The following PALS2 variants were observed in gnomAD, a reference collection of about 807,000 sequenced individuals.
PALS2 encodes the protein protein PALS2.
PALS2 carries 27 observed loss-of-function variants against 61.6 expected under a neutral mutation model. The observed-to-expected ratio is 0.44, with a 90% CI of 0.32 to 0.60. The LOEUF is 0.60. Among genes scored for constraint, PALS2 ranks in the 20% least tolerant of loss-of-function variants. The pLI, the probability that PALS2 is intolerant of heterozygous loss-of-function variation, is 0.05. For missense variants in PALS2, 554 were observed against 639.4 expected (o/e 0.87, Z 1.44); for synonymous variants, 236 against 218.6 (o/e 1.08, Z -0.70).
chr7:24,677,307 T>C (rs1787666106), intron 9 of PALS2, among the ~76,000 whole-genome samples: 2 of 152,128 alleles, frequency 1.3e-5, no homozygotes, highest in African/African-American at 4.8e-5. Context: ...TACAATCACG[T>C]CATCTGCAAA....
chr7:24,607,640 T>C (rs901378969), intron 1 of PALS2, among the ~76,000 whole-genome samples: 3 of 150,636 alleles, frequency 2.0e-5, no homozygotes, highest in Admixed American at 2.0e-4. Context: ...TACATATATG[T>C]ATGTATATGT....
rs1422341112 is a variant in PALS2 at position 24,584,028 on chromosome 7, A to G, written c.-3+10435A>G. 8.9e-4 allele frequency among the ~76,000 whole-genome samples: 133 copies of G among 150,070 alleles called. 7 individuals carry two copies. Among genetic ancestry groups the G allele is most frequent in the Admixed American group, 4.0e-4 (6 of 15,068 alleles). On this transcript the variant is annotated intron_variant, in intron 1 of 11. Coordinates refer to ENST00000222644, the MANE Select transcript of PALS2 (RefSeq NM_001303037.2). The stretch of plus-strand genomic sequence containing the variant: ...ATGGCTGCATAGTATTCCATGGTGT[A>G]TATGTGCCACATTTTCTTAATCCAG...
intron 1 of PALS2, among the ~76,000 whole-genome samples, chr7:24,600,979 G>GA (rs1783701048): frequency 6.6e-6 from 1 of 152,036 alleles, no homozygotes; most frequent in South Asian, 2.1e-4. Context: ...ACATATGGAT[G>GA]AAAGACTAGA....
intron 11 of PALS2, among the ~76,000 whole-genome samples, chr7:24,681,457 T>A (rs1787923640): frequency 6.6e-6 from 1 of 151,874 alleles, no homozygotes; most frequent in East Asian, 1.9e-4. Flanking sequence ...ATACCATTAA[T>A]ACAACAAAAA....
chr7:24,577,635 G>A (rs1782688027), intron 1 of PALS2, among the ~76,000 whole-genome samples: 1 of 151,736 alleles, frequency 6.6e-6, no homozygotes, highest in Non-Finnish European at 1.5e-5. Context: ...CAATGCCATG[G>A]CTTGCTCCTA....
At chr7:24,581,762 A>G (rs79265434) in intron 1 of PALS2, among the ~76,000 whole-genome samples, 12,804 of 152,266 alleles carry the variant, frequency 0.084, 689 homozygotes, top group Admixed American at 0.12. Flanking sequence ...TCTAAAGGCA[A>G]CTATTGCCAA....
chr7:24,591,110 A>C (rs994201279), intron 1 of PALS2, among the ~76,000 whole-genome samples: 4 of 151,794 alleles, frequency 2.6e-5, no homozygotes, highest in Admixed American at 1.3e-4. Flanking sequence ...TTTCAGTGGG[A>C]CCTCAGGAGG....
intron 2 of PALS2, among the ~76,000 whole-genome samples, chr7:24,639,844 G>A (rs1164151612): frequency 2.4e-5 from 3 of 126,182 alleles, no homozygotes; most frequent in Middle Eastern, 4.4e-3. Flanking sequence ...TTTTTGAGAC[G>A]GAGTCTCTGT....
chr7:24,649,822 C>A, intron 4 of PALS2, 58 bp downstream of exon 4: 1 of 1,397,408 alleles, frequency 7.2e-7, no homozygotes, highest in Non-Finnish European at 9.5e-7. Flanking sequence ...ATTTGTGGTT[C>A]AGTCACTACT....
chr7:24,613,010 G>T (rs1191114412), intron 1 of PALS2, among the ~76,000 whole-genome samples: 1 of 151,640 alleles, frequency 6.6e-6, no homozygotes, highest in Non-Finnish European at 1.5e-5. Context: ...TCAGAATTGG[G>T]ATTTGAATTC....
At chr7:24,657,794 C>G (rs780740355) in intron 5 of PALS2, among the ~76,000 whole-genome samples, 4 of 152,064 alleles carry the variant, frequency 2.6e-5, no homozygotes, top group Non-Finnish European at 4.4e-5. Flanking sequence ...AAGATTTTCT[C>G]CAATTTGTTT....
Position 24,638,582 on chromosome 7 carries a change from C to T in PALS2, c.118-3134C>T, listed in dbSNP as rs1785362451. ...TCCTGACCTCGTGATCCGCCCGCCT[C>T]GGCCTCCCAAAGTGCTGGGATTACA... On this transcript the variant is annotated intron_variant, in intron 2 of 11. Coordinates refer to ENST00000222644, the MANE Select transcript of PALS2 (RefSeq NM_001303037.2). 4.5e-5 allele frequency among the ~76,000 whole-genome samples: 2 copies of T among 44,884 alleles called. 1 individual carries two copies. The highest frequency in any genetic ancestry group is 1.5e-3 in the African/African-American group (2 of 1,332). The allele number at this position is 44,884 out of a possible 152,430, so 29.4% of individuals were successfully genotyped here.
chr7:24,665,254 T>A (rs780794612), intron 6 of PALS2, among the ~76,000 whole-genome samples: 34 of 152,170 alleles, frequency 2.2e-4, no homozygotes, highest in Non-Finnish European at 3.8e-4. Flanking sequence ...TACTAAAGGG[T>A]GCTAGATAAA....
At chr7:24,666,330 T>G (rs556499812) in intron 8 of PALS2, among the ~76,000 whole-genome samples, 47 of 152,314 alleles carry the variant, frequency 3.1e-4, no homozygotes, top group African/African-American at 1.1e-3. Flanking sequence ...TTGGTTAAGA[T>G]TTTTGTTTGT....
chr7:24,630,980 A>G (rs1583905672), intron 2 of PALS2, among the ~76,000 whole-genome samples: 1 of 152,336 alleles, frequency 6.6e-6, no homozygotes, highest in East Asian at 1.9e-4. Context: ...TGTTGTTTTC[A>G]TTCCTGCAGA....
intron 2 of PALS2, among the ~76,000 whole-genome samples, chr7:24,630,301 A>C (rs1263139778): frequency 6.6e-6 from 1 of 152,104 alleles, no homozygotes; most frequent in Non-Finnish European, 1.5e-5. Context: ...GGACACAGGG[A>C]GGGGAACATC....
At chr7:24,685,846 C>G (rs1467013435) in intron 11 of PALS2, among the ~76,000 whole-genome samples, 2 of 152,124 alleles carry the variant, frequency 1.3e-5, no homozygotes, top group Non-Finnish European at 2.9e-5. Flanking sequence ...TCTCTCTACA[C>G]TTTCTACACA....
chr7:24,678,246 G>A lies in PALS2; in HGVS notation c.1115-885G>A, dbSNP rs1223564157. ...TTCCTAGCACAGACCAACTTGCAAAGGGTTGTATGTCTCTGAAAGTATTCA... is the reference window on the plus strand; with the variant it reads ...TTCCTAGCACAGACCAACTTGCAAAAGGTTGTATGTCTCTGAAAGTATTCA... On this transcript the variant is annotated intron_variant, in intron 9 of 11. Transcript: ENST00000222644. 3.9e-5 allele frequency among the ~76,000 whole-genome samples: 6 copies of A among 152,272 alleles called. 1 individual carries two copies. The South Asian group carries it at 1.0e-3, about 26-fold the overall frequency.
chr7:24,573,656 G>T lies in PALS2; in HGVS notation c.-3+63G>T, dbSNP rs1162658127. ...TCGCGCCGCGCGCCGGGCCGGCCGGGGGCGCCCTGTTGCTCGGCGCGGCGC... is the reference window on the plus strand; with the variant it reads ...TCGCGCCGCGCGCCGGGCCGGCCGGTGGCGCCCTGTTGCTCGGCGCGGCGC... On this transcript the variant is annotated intron_variant, in intron 1 of 11. Coordinates refer to ENST00000222644, the MANE Select transcript of PALS2 (RefSeq NM_001303037.2). The surrounding 1 kb of genome is among the most constrained non-coding windows in gnomAD (Gnocchi z 5.3). 3 of 257,838 alleles carry T rather than the reference G, an allele frequency of 1.2e-5. No homozygotes were observed. The highest frequency in any genetic ancestry group is 2.2e-5 in the Non-Finnish European group (3 of 136,868). The allele number at this position is 257,838 out of a possible 1,614,324, so 16.0% of individuals were successfully genotyped here.
Sources: gnomAD v4.1 joint callset for allele counts (sites outside exome capture counted in the v4.1 genomes callset) on GRCh38, gnomAD v4.1.1 for gene constraint, Gnocchi (gnomAD v3.1) non-coding constraint, MANE v1.5 for transcripts, NCBI Gene and HGNC (gene_info 2026-07-23, HGNC 2026-07-21) for gene names.